CD84: variants seen among roughly 807,000 people sequenced by gnomAD.
CD84 encodes the protein SLAM family member 5.
A neutral mutation model predicts 33.8 loss-of-function variants in CD84; 22 were observed. The observed-to-expected ratio is 0.65, with a 90% CI of 0.46 to 0.93. The LOEUF is 0.93. Ranked by LOEUF, CD84 falls within the 40% of genes least tolerant of loss-of-function variation. The pLI is 0.00. For synonymous variants in CD84, 154 were observed against 145.2 expected (o/e 1.06, Z -0.44); for missense variants, 400 against 397.6 (o/e 1.01, Z -0.05).
chr1:160,565,360 A>G (rs1167571738), intron 2 of CD84, 44 bp downstream of exon 2: 4 of 1,473,822 alleles, frequency 2.7e-6, no homozygotes, highest in Non-Finnish European at 2.7e-6. Flanking sequence ...GCAAACTTGC[A>G]AAGTAAAAAT....
intron 2 of CD84, among the ~76,000 whole-genome samples, chr1:160,560,378 A>G (rs1435091448): frequency 3.3e-5 from 5 of 152,160 alleles, no homozygotes; most frequent in Admixed American, 6.6e-5. Flanking sequence ...AAATTCAACA[A>G]TCTGTTCCTG....
At chr1:160,577,619 G>C (rs182913835) in intron 1 of CD84, among the ~76,000 whole-genome samples, 1 of 152,108 alleles carries the variant, frequency 6.6e-6, no homozygotes, top group Non-Finnish European at 1.5e-5. Context: ...CCTGACAGAG[G>C]AGTCCTGCCC....
In CD84 at chr1:160,544,748, T is replaced by C. The variant is rs934812264; in HGVS notation, c.*3508A>G. On this transcript the variant is annotated 3_prime_UTR_variant, in exon 7 of 7. Coordinates refer to ENST00000368054, the MANE Select transcript of CD84 (RefSeq NM_003874.4). ...TTTTTAAATCATATTTTAAACAAGC[T>C]TCACTTTCTTCTTCTAAGAATCATG... 2 of 152,208 alleles carry C rather than the reference T, an allele frequency of 1.3e-5. No individual in the cohort carries two copies. Among genetic ancestry groups the C allele is most frequent in the African/African-American group, 4.8e-5 (2 of 41,450 alleles). 9.4% of individuals were successfully genotyped at this position (152,208 alleles called of 1,614,324 possible).
At position 160,565,453 on chromosome 1, in the gene CD84, T is replaced by C; in HGVS notation, c.339A>G (p.Thr113=). The change falls in exon 2 of 7, where the codon ACA becomes ACG. Residue 113 remains threonine, a synonymous_variant. Transcript: ENST00000368054. Reference sequence around the variant, plus strand: ...TGGTGGTGGTGTAGGGATCAGCCTGTGTATTTATGTCTGCTTTGTAGTCTC... The same window carrying C: ...TGGTGGTGGTGTAGGGATCAGCCTGCGTATTTATGTCTGCTTTGTAGTCTC... ...DAGDYKADIN[T]QADPYTTTKR... The C allele has an allele frequency of 1.2e-6, 2 of 1,613,790 alleles. No individual in the cohort carries two copies. Among genetic ancestry groups the C allele is most frequent in the Non-Finnish European group, 1.7e-6 (2 of 1,179,814 alleles).
At position 160,553,915 on chromosome 1, in the gene CD84, G is replaced by C. The variant is rs1042329449; in HGVS notation, c.620C>G (p.Ser207Cys). 6.2e-7 allele frequency: 1 copy of C among 1,614,226 alleles called. No homozygotes were observed. Among genetic ancestry groups the C allele is most frequent in the Non-Finnish European group, 8.5e-7 (1 of 1,180,042 alleles). The change falls in exon 3 of 7, where the codon TCT becomes TGT. Residue 207 changes from serine (S) to cysteine (C), a missense_variant. Coordinates refer to ENST00000368054, the MANE Select transcript of CD84 (RefSeq NM_003874.4). ...GTTACCTGCACAGAGCTGCCGGGCA[G>C]AGATGGAGTCAGAATTGTTGCTGAC... is the stretch of plus-strand genomic sequence containing the variant. ...NPVSNNSDSI[S>C]ARQLCADIAM...
In CD84 at chr1:160,542,961, T is replaced by C. The variant is rs1655618147; in HGVS notation, c.*5295A>G. 6.6e-6 allele frequency: 1 copy of C among 152,200 alleles called. No individual in the cohort carries two copies. The highest frequency in any genetic ancestry group is 2.1e-4 in the South Asian group (1 of 4,832). The allele number at this position is 152,200 out of a possible 1,614,324, so 9.4% of individuals were successfully genotyped here. On this transcript the variant is annotated 3_prime_UTR_variant, in exon 7 of 7. Transcript: ENST00000368054. Reference sequence around the variant, plus strand: ...TGTTCAGCACAATTCCCCAAATTCTTATCTCTTCTTTTGTTTCTGTTATTT... The same window carrying C: ...TGTTCAGCACAATTCCCCAAATTCTCATCTCTTCTTTTGTTTCTGTTATTT...
chr1:160,559,391 A>T (rs978715318), intron 2 of CD84, among the ~76,000 whole-genome samples: 1 of 152,176 alleles, frequency 6.6e-6, no homozygotes, highest in Admixed American at 6.5e-5. Flanking sequence ...AAGCTTCATA[A>T]GTGAAGAAGA....
intron 4 of CD84, among the ~76,000 whole-genome samples, chr1:160,552,425 GTACT>G (rs1557970705): frequency 6.6e-6 from 1 of 152,102 alleles, no homozygotes; most frequent in East Asian, 1.9e-4. Context: ...CATTTATCAA[GTACT>G]TACTATGTAC....
In CD84 at chr1:160,551,028, G is replaced by A; in HGVS notation, c.768C>T (p.Ala256=). The change falls in exon 5 of 7, where the codon GCC becomes GCT. Residue 256 remains alanine, a synonymous_variant. Coordinates refer to ENST00000368054, the MANE Select transcript of CD84 (RefSeq NM_003874.4). The part of the protein sequence containing the change: ...FRLFKRRQDA[A]SKKTIYTYIM... ...TATATGTGTATATGGTTTTCTTTGAGGCAGCATCTGTCTCACAAATAAATA... is the reference window on the plus strand; with the variant it reads ...TATATGTGTATATGGTTTTCTTTGAAGCAGCATCTGTCTCACAAATAAATA... 1 of 1,612,416 alleles carries A rather than the reference G, an allele frequency of 6.2e-7. No individual in the cohort carries two copies. The highest frequency in any genetic ancestry group is 8.5e-7 in the Non-Finnish European group (1 of 1,178,432).
rs1655820827 is a variant in CD84, at chr1:160,546,192, T to G, written c.*2064A>C. Reference sequence around the variant, plus strand: ...TAGTAGAGATGGGGTTTCACCATGTTGGCCAGACTAATCTCGAACTCCTGA... The same window carrying G: ...TAGTAGAGATGGGGTTTCACCATGTGGGCCAGACTAATCTCGAACTCCTGA... On this transcript the variant is annotated 3_prime_UTR_variant, in exon 7 of 7. Transcript: ENST00000368054. 1 of 152,048 alleles carries G rather than the reference T, an allele frequency of 6.6e-6. No homozygotes were observed. Among genetic ancestry groups the G allele is most frequent in the African/African-American group, 2.4e-5 (1 of 41,358 alleles). The allele number at this position is 152,048 out of a possible 1,614,324, so 9.4% of individuals were successfully genotyped here. A position where few individuals can be genotyped will look rare whatever the true frequency, so the allele number is the denominator to read the frequency against.
intron 2 of CD84, among the ~76,000 whole-genome samples, chr1:160,555,654 T>C (rs539241208): frequency 1.3e-5 from 2 of 152,164 alleles, no homozygotes; most frequent in Admixed American, 6.5e-5. Context: ...AATGACCACA[T>C]TTGGAGTTAA....
intron 1 of CD84, among the ~76,000 whole-genome samples, chr1:160,576,095 C>T (rs1657978542): frequency 6.6e-6 from 1 of 152,162 alleles, no homozygotes; most frequent in Non-Finnish European, 1.5e-5. Flanking sequence ...ATACAGAGGC[C>T]TTGTCCTTAT....
intron 2 of CD84, among the ~76,000 whole-genome samples, chr1:160,562,325 A>G (rs1299778901): frequency 6.6e-6 from 1 of 152,198 alleles, no homozygotes; most frequent in Non-Finnish European, 1.5e-5. Flanking sequence ...ACTTCAAACT[A>G]TACTACAAGG....
chr1:160,553,223 T>A, intron 4 of CD84, 155 bp downstream of exon 4: 1 of 1,216,768 alleles, frequency 8.2e-7, no homozygotes, highest in Non-Finnish European at 1.2e-6. Context: ...CATACCATCC[T>A]CAGAGCCATC....
chr1:160,562,487 A>G (rs1030953794), intron 2 of CD84, among the ~76,000 whole-genome samples: 1 of 152,216 alleles, frequency 6.6e-6, no homozygotes, highest in Non-Finnish European at 1.5e-5. Flanking sequence ...TTCCCTATTT[A>G]AAAATGGTGC....
intron 2 of CD84, among the ~76,000 whole-genome samples, chr1:160,563,937 T>G (rs1657157599): frequency 6.6e-6 from 1 of 152,072 alleles, no homozygotes; most frequent in Non-Finnish European, 1.5e-5. Context: ...GTCCGTACTT[T>G]CTCAAACTTT....
chr1:160,545,779 A>C lies in CD84; in HGVS notation c.*2477T>G, dbSNP rs1044218924. The C allele has an allele frequency of 2.0e-5, 3 of 151,398 alleles. No homozygotes were observed. The highest frequency in any genetic ancestry group is 2.9e-5 in the Non-Finnish European group (2 of 67,950). 9.4% of individuals were successfully genotyped at this position (151,398 alleles called of 1,614,324 possible). ...CAAGTAGCTGGGATTACAGGTGTGC[A>C]CCACCACGCCCAGCTAATTTTTTTG... On this transcript the variant is annotated 3_prime_UTR_variant, in exon 7 of 7. Coordinates refer to ENST00000368054, the MANE Select transcript of CD84 (RefSeq NM_003874.4).
At chr1:160,552,685 C>A in intron 4 of CD84, 2 of 1,534,124 alleles carry the variant, frequency 1.3e-6, no homozygotes, top group East Asian at 4.9e-5. Flanking sequence ...ATTCAAGGAA[C>A]TTTGTGGCTG....
intron 2 of CD84, 147 bp from the exon 3 acceptor site, chr1:160,554,293 A>G (rs1383805109): frequency 1.1e-6 from 1 of 924,724 alleles, no homozygotes; most frequent in Non-Finnish European, 1.5e-6. Context: ...TGTTAAAAAT[A>G]AAGATAATAA....
Sources: gnomAD v4.1 joint callset for allele counts (sites outside exome capture counted in the v4.1 genomes callset) on GRCh38, gnomAD v4.1.1 for gene constraint, MANE v1.5 for transcripts, NCBI Gene and HGNC (gene_info 2026-07-23, HGNC 2026-07-21) for gene names.